APMAP: variants seen among roughly 807,000 people sequenced by gnomAD.
APMAP encodes adipocyte plasma membrane associated protein.
Under a neutral mutation model 43.6 loss-of-function variants are expected in APMAP, and 33 were observed. The ratio of observed to expected loss-of-function variants is 0.76; its 90% CI spans 0.57 to 1.01. The LOEUF is 1.01. Ranked by LOEUF, APMAP falls within the 50% of genes least tolerant of loss-of-function variation. The pLI, the probability that APMAP is intolerant of heterozygous loss-of-function variation, is 0.00. For missense variants in APMAP, 498 were observed against 540.7 expected (o/e 0.92, Z 0.78); for synonymous variants, 224 against 216.7 (o/e 1.03, Z -0.30).
chr20:24,973,551 C>A, intron 4 of APMAP, 94 bp downstream of exon 4: 1 of 1,235,224 alleles, frequency 8.1e-7, no homozygotes, highest in South Asian at 1.4e-5. Context: ...CTTTTTCTCC[C>A]ACAGGCATTC....
chr20:24,978,022 CAG>C (rs1178786283), intron 3 of APMAP, among the ~76,000 whole-genome samples: 1 of 152,210 alleles, frequency 6.6e-6, no homozygotes, highest in Non-Finnish European at 1.5e-5. Flanking sequence ...GAGAGCACAA[CAG>C]AAGCACCCTG....
chr20:24,981,636 G>A (rs1428025235), intron 2 of APMAP, among the ~76,000 whole-genome samples: 1 of 152,132 alleles, frequency 6.6e-6, no homozygotes, highest in Non-Finnish European at 1.5e-5. Context: ...CTCTCAGTTT[G>A]ACAGTTTCAC....
At chr20:24,979,180 C>CAATG (rs1240439000) in intron 2 of APMAP, among the ~76,000 whole-genome samples, 1 of 152,226 alleles carries the variant, frequency 6.6e-6, no homozygotes, top group African/African-American at 2.4e-5. Context: ...CACCCCCATC[C>CAATG]AATGCCTCAG....
chr20:24,977,295 G>A (rs907642342), intron 3 of APMAP, among the ~76,000 whole-genome samples: 7 of 152,228 alleles, frequency 4.6e-5, no homozygotes, highest in South Asian at 2.1e-4. Flanking sequence ...AGTATTTGAC[G>A]AAATGCAACA....
intron 3 of APMAP, among the ~76,000 whole-genome samples, chr20:24,978,304 G>C (rs527269567): frequency 1.3e-5 from 2 of 152,310 alleles, no homozygotes; most frequent in East Asian, 3.9e-4. Flanking sequence ...TTACCCTTAA[G>C]TGTACCCATC....
chr20:24,970,290 T>G lies in APMAP; in HGVS notation c.620A>C (p.Gln207Pro). ...GGTGAAATAAATCTTCCTCCCATCC[T>G]GAGTGACTGTAAGATCATTCACAAA... ...MSFVNDLTVT[Q>P]DGRKIYFTDS... Residue 207 changes from glutamine (Q) to proline (P), a missense_variant, in exon 6 of 9, where the codon CAG (glutamine) becomes CCG (proline). Coordinates refer to ENST00000217456, the MANE Select transcript of APMAP (RefSeq NM_020531.3). 1 of 1,614,142 alleles carries G rather than the reference T, an allele frequency of 6.2e-7. No homozygotes were observed. Among genetic ancestry groups the G allele is most frequent in the East Asian group, 2.2e-5 (1 of 44,886 alleles).
intron 8 of APMAP, chr20:24,964,370 C>G: frequency 2.0e-6 from 1 of 512,576 alleles, no homozygotes; most frequent in Non-Finnish European, 3.9e-6. Context: ...ATGACCTCCA[C>G]TCACCAGATC....
intron 2 of APMAP, among the ~76,000 whole-genome samples, 166 bp downstream of exon 2, chr20:24,983,737 T>C (rs1013994888): frequency 1.5e-4 from 23 of 152,202 alleles, no homozygotes; most frequent in African/African-American, 5.3e-4. Context: ...CTGAGTAACA[T>C]CTAATTCAGC....
intron 2 of APMAP, 83 bp from the exon 3 acceptor site, chr20:24,978,965 T>C (rs1386850032): frequency 8.9e-7 from 1 of 1,122,534 alleles, no homozygotes; most frequent in Non-Finnish European, 1.3e-6. Context: ...TCTCAGTTCT[T>C]TGATAAAGAT....
Position 24,991,910 on chromosome 20 carries a change from T to C in APMAP, c.95+684A>G, listed in dbSNP as rs199676340. On this transcript the variant is annotated intron_variant, in intron 1 of 8. Transcript: ENST00000217456. ...GGCAAAGGGCAAAACCTGATATTTC[T>C]TAGGTGTCAACAACTACAGTTTCCT... Among the ~76,000 whole-genome samples the C allele has an allele frequency of 9.2e-5, 14 of 152,348 alleles. 1 individual carries two copies. In the East Asian group the frequency reaches 2.7e-3, roughly 29 times the overall value.
intron 1 of APMAP, among the ~76,000 whole-genome samples, chr20:24,985,108 C>A (rs2088136228): frequency 6.6e-6 from 1 of 152,066 alleles, no homozygotes; most frequent in Non-Finnish European, 1.5e-5. Flanking sequence ...ACATAAAGGC[C>A]AAGCCCTCTT....
intron 1 of APMAP, among the ~76,000 whole-genome samples, chr20:24,985,350 G>T (rs1338727921): frequency 6.6e-6 from 1 of 152,196 alleles, no homozygotes; most frequent in Non-Finnish European, 1.5e-5. Context: ...GAAGAAGAGG[G>T]AGCAGCTTTC....
chr20:24,964,076 C>T (rs2087922103), intron 8 of APMAP, 54 bp from the exon 9 acceptor site: 15 of 1,570,410 alleles, frequency 9.6e-6, no homozygotes, highest in Admixed American at 5.0e-5. Context: ...GAACACTGTG[C>T]GCAGATCAAC....
At chr20:24,989,794 G>C (rs181299497) in intron 1 of APMAP, among the ~76,000 whole-genome samples, 22 of 152,270 alleles carry the variant, frequency 1.4e-4, no homozygotes, top group Admixed American at 1.1e-3. Context: ...GCAAAGCTGA[G>C]ACAAACACTC....
chr20:24,970,776 C>T (rs1222200164), intron 5 of APMAP, among the ~76,000 whole-genome samples: 1 of 152,178 alleles, frequency 6.6e-6, no homozygotes, highest in African/African-American at 2.4e-5. Context: ...GTGCTAAGCA[C>T]TCTCGAGGTG....
rs536436450 is a variant in APMAP at position 24,963,983 on chromosome 20, A to G, written c.1081T>C (p.Tyr361His). The G allele has an allele frequency of 6.2e-6, 10 of 1,614,228 alleles. No homozygotes were observed. The Admixed American group carries it at 1.7e-4, about 27-fold the overall frequency. ...QETVMKFVPR[Y>H]SLVLELSDSG... ...TCGCTGAGTTCTAGGACGAGGCTGT[A>G]CCGCGGCACAAACTTCATCACCGTC... The change falls in exon 9 of 9, where the codon TAC becomes CAC. Residue 361 changes from tyrosine (Y) to histidine (H), a missense_variant. By Grantham distance (83) the Tyr-to-His change is moderately conservative. Transcript: ENST00000217456.
rs144614902 is a variant in APMAP, at chr20:24,978,772, A to G, written c.323T>C (p.Ile108Thr). ...CCACCCAAGCTTAGACTTACCCCCA[A>G]TATGTGCTATGGACTCCGGTCCAAC... ...QLVGPESIAHIGDVMFTGTAD... is the reference protein window; with the variant it reads ...QLVGPESIAHTGDVMFTGTAD... The change falls in exon 3 of 9, where the codon ATT becomes ACT. Residue 108 changes from isoleucine to threonine, a missense_variant. Coordinates refer to ENST00000217456, the MANE Select transcript of APMAP (RefSeq NM_020531.3). The G allele has an allele frequency of 5.4e-4, 767 of 1,417,290 alleles. 1 individual carries two copies. The African/African-American group carries it at 0.011, about 19-fold the overall frequency. The allele number at this position is 1,417,290 out of a possible 1,614,324, so 87.8% of individuals were successfully genotyped here.
intron 1 of APMAP, among the ~76,000 whole-genome samples, chr20:24,986,268 C>T (rs1190268534): frequency 6.6e-6 from 1 of 152,248 alleles, no homozygotes; most frequent in African/African-American, 2.4e-5. Flanking sequence ...TCACCCCGTA[C>T]ACCTGAGGCC....
chr20:24,980,563 C>T (rs1212840566), intron 2 of APMAP, among the ~76,000 whole-genome samples: 1 of 150,124 alleles, frequency 6.7e-6, no homozygotes, highest in Non-Finnish European at 1.5e-5. Context: ...ATGACAAAAG[C>T]AGACCTACCA....
Sources: allele counts gnomAD v4.1 joint callset (sites outside exome capture counted in the v4.1 genomes callset), GRCh38; gene constraint gnomAD v4.1.1; transcripts MANE v1.5; gene names NCBI Gene and HGNC (gene_info 2026-07-23, HGNC 2026-07-21).